Variants in ANTXR1 observed in about 807,000 individuals in gnomAD.
ANTXR1 encodes ANTXR cell adhesion molecule 1.
ANTXR1 carries 19 observed loss-of-function variants against 78.1 expected under a neutral mutation model. That is an observed-to-expected ratio of 0.24 (90% CI 0.17 to 0.36). The LOEUF (loss-of-function observed/expected upper bound fraction) is 0.36. Ranked by LOEUF, ANTXR1 falls within the 10% of genes least tolerant of loss-of-function variation. The probability of loss-of-function intolerance (pLI) is 1.00; values close to 1 mark genes in which losing one functional copy is unlikely to be tolerated. For synonymous variants in ANTXR1, 273 were observed against 260.5 expected (o/e 1.05, Z -0.46); for missense variants, 518 against 718.6 (o/e 0.72, Z 3.19).
At chr2:69,148,077 A>G (rs1673276752) in intron 12 of ANTXR1, among the ~76,000 whole-genome samples, 1 of 151,858 alleles carries the variant, frequency 6.6e-6, no homozygotes, top group African/African-American at 2.4e-5. Flanking sequence ...TCCAGTCCAT[A>G]CTCTCCAGTG....
At chr2:69,057,248 G>A (rs939520927) in intron 3 of ANTXR1, among the ~76,000 whole-genome samples, 48 of 152,172 alleles carry the variant, frequency 3.2e-4, no homozygotes, top group African/African-American at 1.1e-3. Context: ...CTTGCCTCCT[G>A]TTGAGGGTAG....
At chr2:69,212,696 G>A (rs1485427411) in intron 17 of ANTXR1, among the ~76,000 whole-genome samples, 1 of 152,162 alleles carries the variant, frequency 6.6e-6, no homozygotes, top group Non-Finnish European at 1.5e-5. Flanking sequence ...CCATCACTCA[G>A]GCTGGAGTGC....
chr2:69,230,632 C>G (rs1353882521), intron 17 of ANTXR1, among the ~76,000 whole-genome samples: 2 of 152,106 alleles, frequency 1.3e-5, no homozygotes, highest in African/African-American at 4.8e-5. Context: ...AGAGACTTTT[C>G]AACCTTGAGC....
At chr2:69,051,291 A>G (rs747240776) in intron 3 of ANTXR1, among the ~76,000 whole-genome samples, 13 of 152,016 alleles carry the variant, frequency 8.6e-5, no homozygotes, top group South Asian at 4.1e-4. Context: ...AAAAAAAAAG[A>G]TTATTCACTA....
At chr2:69,168,259 A>G (rs1286186292) in intron 13 of ANTXR1, among the ~76,000 whole-genome samples, 1 of 152,240 alleles carries the variant, frequency 6.6e-6, no homozygotes, top group Non-Finnish European at 1.5e-5. Flanking sequence ...AATAGCATGC[A>G]GCATCTATTG....
At position 69,246,128 on chromosome 2, in the gene ANTXR1, G is replaced by T. The variant is rs1024868830; in HGVS notation, c.*643G>T. 1 of 152,582 alleles carries T rather than the reference G, an allele frequency of 6.6e-6. No individual in the cohort carries two copies. The highest frequency in any genetic ancestry group is 6.5e-5 in the Admixed American group (1 of 15,316). The allele number at this position is 152,582 out of a possible 1,614,324, so 9.5% of individuals were successfully genotyped here. Reference sequence around the variant, plus strand: ...AGTTTCCAAGTGAGAAGGGGAGCAGGTGTTTACTGATGGAAAAGGTATGTT... The same window carrying T: ...AGTTTCCAAGTGAGAAGGGGAGCAGTTGTTTACTGATGGAAAAGGTATGTT... On this transcript the variant is annotated 3_prime_UTR_variant, in exon 18 of 18. Coordinates refer to ENST00000303714, the MANE Select transcript of ANTXR1 (RefSeq NM_032208.3).
At chr2:69,109,612 CA>C (rs1024229411) in intron 10 of ANTXR1, among the ~76,000 whole-genome samples, 1 of 149,464 alleles carries the variant, frequency 6.7e-6, no homozygotes, top group African/African-American at 2.5e-5. Flanking sequence ...GTGGGTTATT[CA>C]AAAAATGATG....
chr2:69,102,724 T>C, intron 9 of ANTXR1, 118 bp from the exon 10 acceptor site: 1 of 1,134,172 alleles, frequency 8.8e-7, no homozygotes, highest in Non-Finnish European at 1.3e-6. Flanking sequence ...TCAACCTAAA[T>C]TAATTTTTGA....
chr2:69,043,911 G>A (rs531703188), intron 2 of ANTXR1, among the ~76,000 whole-genome samples: 2 of 152,138 alleles, frequency 1.3e-5, no homozygotes, highest in African/African-American at 2.4e-5. Flanking sequence ...TTCAGAGCCC[G>A]ATCAGGTGTG....
chr2:69,158,725 C>T (rs542156089), intron 13 of ANTXR1, among the ~76,000 whole-genome samples: 2 of 152,098 alleles, frequency 1.3e-5, no homozygotes, highest in Admixed American at 6.6e-5. Flanking sequence ...TCTATTTTGC[C>T]GAAGTTTAGA....
At chr2:69,069,769 A>AT (rs1351470872) in intron 3 of ANTXR1, among the ~76,000 whole-genome samples, 2 of 152,090 alleles carry the variant, frequency 1.3e-5, no homozygotes, top group South Asian at 2.1e-4. Flanking sequence ...TAAATGTTAG[A>AT]TTTTTTCCTA....
intron 1 of ANTXR1, among the ~76,000 whole-genome samples, chr2:69,038,139 T>G (rs556633696): frequency 6.6e-6 from 1 of 152,188 alleles, no homozygotes; most frequent in Non-Finnish European, 1.5e-5. Flanking sequence ...TTTTTCCAAA[T>G]GCACAGTCCT....
intron 13 of ANTXR1, 50 bp from the exon 14 acceptor site, chr2:69,170,198 G>A (rs1174797882): frequency 1.9e-5 from 30 of 1,608,076 alleles, no homozygotes; most frequent in East Asian, 1.1e-4. Flanking sequence ...CCTCTTAGGA[G>A]GCAGGTAGCC....
intron 3 of ANTXR1, among the ~76,000 whole-genome samples, chr2:69,063,361 G>A (rs1463167786): frequency 2.0e-5 from 3 of 151,640 alleles, no homozygotes; most frequent in East Asian, 1.9e-4. Flanking sequence ...GCAATCCAGA[G>A]AATGAAGGTC....
intron 14 of ANTXR1, among the ~76,000 whole-genome samples, chr2:69,181,401 T>G (rs976057337): frequency 6.6e-6 from 1 of 152,130 alleles, no homozygotes; most frequent in African/African-American, 2.4e-5. Flanking sequence ...TTGAGATGTT[T>G]TTTAGCCCCC....
chr2:69,135,250 T>A (rs912782437), intron 12 of ANTXR1: 1 of 160,106 alleles, frequency 6.2e-6, no homozygotes, highest in East Asian at 1.7e-4. Context: ...CTAAGTATTT[T>A]AAAGAATGTT....
At chr2:69,222,248 C>T (rs978639896) in intron 17 of ANTXR1, among the ~76,000 whole-genome samples, 2 of 152,198 alleles carry the variant, frequency 1.3e-5, no homozygotes, top group African/African-American at 4.8e-5. Flanking sequence ...GAAATTCAAT[C>T]TTCACTTAGT....
At chr2:69,068,109 ATGAG>A (rs1670456972) in intron 3 of ANTXR1, among the ~76,000 whole-genome samples, 1 of 152,104 alleles carries the variant, frequency 6.6e-6, no homozygotes, top group African/African-American at 2.4e-5. Context: ...TCTTCCCAGA[ATGAG>A]TAACAGTGGA....
chr2:69,224,586 C>G (rs1057498732), intron 17 of ANTXR1, among the ~76,000 whole-genome samples: 13 of 152,050 alleles, frequency 8.5e-5, no homozygotes, highest in Non-Finnish European at 1.5e-4. Context: ...AGGGAGAGAG[C>G]CTGCAGGGCC....
Sources: allele counts gnomAD v4.1 joint callset (sites outside exome capture counted in the v4.1 genomes callset), GRCh38; gene constraint gnomAD v4.1.1; transcripts MANE v1.5; gene names NCBI Gene and HGNC (gene_info 2026-07-23, HGNC 2026-07-21).